UNKL: variants seen among roughly 807,000 people sequenced by gnomAD.
UNKL encodes unk like zinc finger.
In UNKL, 60 loss-of-function variants were observed where a neutral mutation model predicts 78.0. The observed-to-expected ratio is 0.77, with a 90% confidence interval of 0.63 to 0.95. UNKL has a LOEUF of 0.95. UNKL is among the 40% of genes least tolerant of loss of function. The pLI, the probability that UNKL is intolerant of heterozygous loss-of-function variation, is 0.00. For synonymous variants in UNKL, 608 were observed against 474.8 expected (o/e 1.28, Z -3.65); for missense variants, 1,159 against 1,045.7 (o/e 1.11, Z -1.49).
At chr16:1,370,087 G>A (rs1235758958) in intron 12 of UNKL, 43 bp downstream of exon 12, 2 of 1,545,484 alleles carry the variant, frequency 1.3e-6, no homozygotes, top group Non-Finnish European at 1.7e-6. Context: ...GAGCCCCACG[G>A]AGGCTTCACG....
At chr16:1,371,682 G>T in intron 10 of UNKL, 71 bp from the exon 11 acceptor site, 1 of 1,470,950 alleles carries the variant, frequency 6.8e-7, no homozygotes, top group South Asian at 1.2e-5. Flanking sequence ...AGCTGAGGAG[G>T]ACGACCGTCC....
In UNKL at chr16:1,364,337, A is replaced by C. The variant is rs979816193; in HGVS notation, c.*1903T>G. ...CCACCTACTATATTAAATACATTCT[A>C]ATTTGGTCACTGATGATAAAGATTT... On this transcript the variant is annotated 3_prime_UTR_variant, in exon 15 of 15. Coordinates refer to ENST00000389221, the MANE Select transcript of UNKL (RefSeq NM_001372107.1). 6.6e-6 allele frequency: 1 copy of C among 152,206 alleles called. No homozygotes were observed. The highest frequency in any genetic ancestry group is 1.5e-5 in the Non-Finnish European group (1 of 68,036). The allele number at this position is 152,206 out of a possible 1,614,324, so 9.4% of individuals were successfully genotyped here.
In UNKL at chr16:1,385,316, G is replaced by C. The variant is rs377623850; in HGVS notation, c.1156C>G (p.Leu386Val). 8.1e-5 allele frequency: 114 copies of C among 1,414,932 alleles called. 1 individual carries two copies. In the East Asian group the frequency reaches 1.9e-3, roughly 24 times the overall value. 87.6% of individuals were successfully genotyped at this position (1,414,932 alleles called of 1,614,324 possible). Residue 386 changes from leucine to valine, a missense_variant, in exon 10 of 15, where the codon CTG becomes GTG. Physicochemically the swap from Leu to Val is conservative, Grantham distance 32. Coordinates refer to ENST00000389221, the MANE Select transcript of UNKL (RefSeq NM_001372107.1). ...PSVSSSVASS[L>V]ASSAGSGSSS... ...CTGCCGGAGCCGGCGCTGGACGCCAGGCTGGACGCCACGCTGGAGCTCACG... is the reference window on the plus strand; with the variant it reads ...CTGCCGGAGCCGGCGCTGGACGCCACGCTGGACGCCACGCTGGAGCTCACG...
rs2037752405 is a variant in UNKL at position 1,406,134 on chromosome 16, A to G, written c.288-2790T>C. 3 of 444,428 alleles carry G rather than the reference A, an allele frequency of 6.8e-6. No individual in the cohort carries two copies. In the Middle Eastern group the frequency reaches 1.1e-3, roughly 162 times the overall value. The allele number at this position is 444,428 out of a possible 1,614,324, so 27.5% of individuals were successfully genotyped here. On this transcript the variant is annotated intron_variant, in intron 2 of 14. Coordinates refer to ENST00000389221, the MANE Select transcript of UNKL (RefSeq NM_001372107.1). ...CCTTCCAGCTTAAGGACGCAGGCAT[A>G]GGTGGGGGGCCCAGAGCACAGCACT...
In UNKL at chr16:1,363,244, A is replaced by T; in HGVS notation, c.*2996T>A. 1.4e-6 allele frequency: 1 copy of T among 706,392 alleles called. No individual in the cohort carries two copies. The highest frequency in any genetic ancestry group is 1.5e-5 in the South Asian group (1 of 64,584). 43.8% of individuals were successfully genotyped at this position (706,392 alleles called of 1,614,324 possible). A position where few individuals can be genotyped will look rare whatever the true frequency, so the allele number is the denominator to read the frequency against. On this transcript the variant is annotated 3_prime_UTR_variant, in exon 15 of 15. Transcript: ENST00000389221. Reference sequence around the variant, plus strand: ...TTAATTAATTCCCATACTGATAAAAATAACTCCATGAATTCTGTAAACCAT... The same window carrying T: ...TTAATTAATTCCCATACTGATAAAATTAACTCCATGAATTCTGTAAACCAT...
intron 2 of UNKL, 83 bp downstream of exon 2, chr16:1,413,763 G>A (rs1006302742): frequency 7.8e-6 from 11 of 1,411,376 alleles, no homozygotes; most frequent in African/African-American, 2.9e-5. Flanking sequence ...ACACTAAGGC[G>A]TCCGCTGAGG....
chr16:1,369,749 G>A (rs1189810319), intron 12 of UNKL, among the ~76,000 whole-genome samples: 1 of 152,204 alleles, frequency 6.6e-6, no homozygotes, highest in Admixed American at 6.5e-5. Flanking sequence ...AGCCAAGGCA[G>A]GCAGATCACG....
chr16:1,370,292 G>T lies in UNKL; in HGVS notation c.1423C>A (p.Leu475Ile), dbSNP rs1214907869. The T allele has an allele frequency of 6.5e-7, 1 of 1,534,586 alleles. No individual in the cohort carries two copies. The highest frequency in any genetic ancestry group is 2.0e-5 in the Admixed American group (1 of 50,844). Residue 475 changes from leucine (L) to isoleucine (I), a missense_variant, in exon 12 of 15, where the codon CTA becomes ATA. Physicochemically the swap from Leu to Ile is conservative, Grantham distance 5. Transcript: ENST00000389221. Reference protein sequence around the residue: ...IPGSLPRAPSLHSPSSASTSP... With the variant: ...IPGSLPRAPSIHSPSSASTSP... ...GTGGACGCAGAGGATGGCGAGTGTA[G>T]CGATGGTGCTCTGGGCAGGGAGCCG...
intron 9 of UNKL, 139 bp from the exon 10 acceptor site, chr16:1,385,524 C>A (rs1046508351): frequency 2.3e-6 from 2 of 869,696 alleles, no homozygotes; most frequent in Non-Finnish European, 3.1e-6. Flanking sequence ...CTTCCCAGAC[C>A]CGGAGGGACT....
chr16:1,406,273 C>T (rs1876160965), intron 2 of UNKL, among the ~76,000 whole-genome samples: 1 of 151,044 alleles, frequency 6.6e-6, no homozygotes. Flanking sequence ...AGTGCAGTGG[C>T]ACAATCTCAG....
rs1248491161 is a variant in UNKL, at chr16:1,403,381, T to C, written c.288-37A>G. ...AGAGGCACGCAATGCCTGGTTATCATGGACCCAGAGGCAGCCCTAAGCTCC... is the reference window on the plus strand; with the variant it reads ...AGAGGCACGCAATGCCTGGTTATCACGGACCCAGAGGCAGCCCTAAGCTCC... On this transcript the variant is annotated intron_variant, in intron 2 of 14. Coordinates refer to ENST00000389221, the MANE Select transcript of UNKL (RefSeq NM_001372107.1). The surrounding 1 kb of genome is among the most constrained non-coding windows in gnomAD (Gnocchi z 4.8). 6.2e-7 allele frequency: 1 copy of C among 1,600,070 alleles called. No homozygotes were observed. The highest frequency in any genetic ancestry group is 2.2e-5 in the East Asian group (1 of 44,690).
chr16:1,383,512 G>A (rs931293665), intron 10 of UNKL: 7 of 255,378 alleles, frequency 2.7e-5, no homozygotes, highest in African/African-American at 1.3e-4. Flanking sequence ...GGCTTTCCTC[G>A]CAGACACCAC....
At position 1,393,044 on chromosome 16, in the gene UNKL, C is replaced by T. The variant is rs190829074; in HGVS notation, c.938-68G>A. ...GGCGACAGTGACACGCAGAAGTCTCCGCACCACACGTCAGGGCCGAGTGTG... is the reference window on the plus strand; with the variant it reads ...GGCGACAGTGACACGCAGAAGTCTCTGCACCACACGTCAGGGCCGAGTGTG... On this transcript the variant is annotated intron_variant, in intron 7 of 14. Transcript: ENST00000389221. 276 of 1,467,516 alleles carry T rather than the reference C, an allele frequency of 1.9e-4. No individual in the cohort carries two copies. The African/African-American group carries it at 3.2e-3, about 17-fold the overall frequency. 90.9% of individuals were successfully genotyped at this position (1,467,516 alleles called of 1,614,324 possible). A position where few individuals can be genotyped will look rare whatever the true frequency, so the allele number is the denominator to read the frequency against.
chr16:1,411,049 C>CA (rs1287495693), intron 2 of UNKL, among the ~76,000 whole-genome samples: 2 of 151,954 alleles, frequency 1.3e-5, no homozygotes, highest in African/African-American at 2.4e-5. Flanking sequence ...TCCATCTCTA[C>CA]AAAAAAATTA....
Position 1,411,060 on chromosome 16 carries a change from A to T in UNKL, c.287+2786T>A, listed in dbSNP as rs58820720. Among the ~76,000 whole-genome samples, 907 of 152,204 alleles carry T rather than the reference A, an allele frequency of 6.0e-3. 10 individuals carry two copies. Among genetic ancestry groups the T allele is most frequent in the African/African-American group, 0.021 (872 of 41,514 alleles). On this transcript the variant is annotated intron_variant, in intron 2 of 14. Transcript: ENST00000389221. ...AGACTCCATCTCTACAAAAAAATTAAAAATGAGCCGAGGTGTGTGGTGGCT... is the reference window on the plus strand; with the variant it reads ...AGACTCCATCTCTACAAAAAAATTATAAATGAGCCGAGGTGTGTGGTGGCT...
Position 1,387,068 on chromosome 16 carries a change from G to A in UNKL, c.1087-1683C>T, listed in dbSNP as rs1462697309. Among the ~76,000 whole-genome samples, 2 of 152,012 alleles carry A rather than the reference G, an allele frequency of 1.3e-5. No homozygotes were observed. Among genetic ancestry groups the A allele is most frequent in the Non-Finnish European group, 2.9e-5 (2 of 68,010 alleles). ...GGCGGTAACTCCTGCACCCTACACC[G>A]CAGACCCTCCCAGCCATGCAGCACC... On this transcript the variant is annotated intron_variant, in intron 9 of 14. Transcript: ENST00000389221. This position sits in a 1 kb window ranked among gnomAD's most constrained non-coding sequence, Gnocchi z 4.1.
rs2037377467 is a variant in UNKL at position 1,398,608 on chromosome 16, G to A, written c.734+766C>T. 20 of 1,424,326 alleles carry A rather than the reference G, an allele frequency of 1.4e-5. 1 individual carries two copies. The South Asian group carries it at 2.8e-4, about 20-fold the overall frequency. 88.2% of individuals were successfully genotyped at this position (1,424,326 alleles called of 1,614,324 possible). On this transcript the variant is annotated intron_variant, in intron 5 of 14. Transcript: ENST00000389221. ...GAGGGTGGCTCTCTGCTCAAAGGAA[G>A]AGCTGGACACAGACAGGGCCTCAGG...
chr16:1,385,984 G>A (rs571936641), intron 9 of UNKL, among the ~76,000 whole-genome samples: 98 of 152,364 alleles, frequency 6.4e-4, no homozygotes, highest in South Asian at 4.3e-3. Context: ...AAGAAAAAGA[G>A]CAACACACAG....
intron 3 of UNKL, among the ~76,000 whole-genome samples, chr16:1,402,964 C>G (rs1251470156): frequency 1.3e-5 from 2 of 152,188 alleles, no homozygotes; most frequent in African/African-American, 2.4e-5. Flanking sequence ...TGCACTCCAG[C>G]CTGGGTGACA....
Sources: gnomAD v4.1 joint callset for allele counts (sites outside exome capture counted in the v4.1 genomes callset) on GRCh38, gnomAD v4.1.1 for gene constraint, Gnocchi (gnomAD v3.1) non-coding constraint, MANE v1.5 for transcripts, NCBI Gene and HGNC (gene_info 2026-07-23, HGNC 2026-07-21) for gene names.